The following CCDC85C variants were observed in gnomAD, a reference collection of about 807,000 sequenced individuals.
CCDC85C encodes coiled-coil domain containing 85C, also known as coiled-coil domain-containing protein 85C.
A neutral mutation model predicts 38.3 loss-of-function variants in CCDC85C; 18 were observed. That is an observed-to-expected ratio of 0.47 (90% CI 0.33 to 0.70). The LOEUF is 0.70. Among genes scored for constraint, CCDC85C ranks in the 30% least tolerant of loss-of-function variants. The pLI, the probability that CCDC85C is intolerant of heterozygous loss-of-function variation, is 0.03. For missense variants in CCDC85C, 566 were observed against 621.2 expected, an observed-to-expected ratio of 0.91 and a Z score of 0.94; for synonymous variants, 264 against 293.8, an observed-to-expected ratio of 0.90 and a Z score of 1.04.
Position 99,517,148 on chromosome 14 carries a change from G to A in CCDC85C, c.1011C>T (p.Pro337=). Residue 337 remains proline, a synonymous_variant, in exon 4 of 6, where the codon CCC becomes CCT. Transcript: ENST00000380243. ...CTGCAGGGCTGTAGCCAGCAGAGGG[G>A]GGCGAGGGCAGCTCAGGTGCGGGGC... is the stretch of plus-strand genomic sequence containing the variant. The part of the protein sequence containing the change: ...PACPAPELPS[P]PSAGYSPAGQ... 6.5e-7 allele frequency: 1 copy of A among 1,549,986 alleles called. No homozygotes were observed. Among genetic ancestry groups the A allele is most frequent in the Admixed American group, 2.0e-5 (1 of 50,930 alleles).
At chr14:99,578,326 T>C (rs2054924759) in intron 1 of CCDC85C, among the ~76,000 whole-genome samples, 1 of 151,030 alleles carries the variant, frequency 6.6e-6, no homozygotes, top group South Asian at 2.1e-4. Context: ...TGTGTGTGTG[T>C]GTGTGTGTGT....
intron 1 of CCDC85C, among the ~76,000 whole-genome samples, chr14:99,589,572 T>C (rs994445556): frequency 2.0e-5 from 3 of 152,228 alleles, no homozygotes; most frequent in African/African-American, 7.2e-5. Context: ...CTTTGGGCTC[T>C]GATTAGAGCT....
chr14:99,596,233 G>C (rs1284249357), intron 1 of CCDC85C, among the ~76,000 whole-genome samples: 1 of 152,208 alleles, frequency 6.6e-6, no homozygotes, highest in Non-Finnish European at 1.5e-5. Context: ...GGCAGAGAGG[G>C]GAAGACCTGC....
intron 1 of CCDC85C, among the ~76,000 whole-genome samples, chr14:99,563,003 C>T (rs1898147658): frequency 6.6e-6 from 1 of 152,184 alleles, no homozygotes. Context: ...ATTAAAACAG[C>T]AGCCACTTAC....
Position 99,604,094 on chromosome 14 carries a change from C to A in CCDC85C, c.-135G>T. ...GTGCGGCCCGCCCCGCGCCGCCTGG[C>A]GCGTCCTCTCGCCGCGCCCGCCGGG... On this transcript the variant is annotated 5_prime_UTR_variant, in exon 1 of 6. Transcript: ENST00000380243. 2.3e-6 allele frequency: 2 copies of A among 886,538 alleles called. No individual in the cohort carries two copies. The highest frequency in any genetic ancestry group is 2.7e-6 in the Non-Finnish European group (2 of 744,030). The allele number at this position is 886,538 out of a possible 1,614,324, so 54.9% of individuals were successfully genotyped here.
At chr14:99,600,948 C>T (rs2055192064) in intron 1 of CCDC85C, among the ~76,000 whole-genome samples, 1 of 152,126 alleles carries the variant, frequency 6.6e-6, no homozygotes, top group Non-Finnish European at 1.5e-5. Flanking sequence ...TCACTTAAGC[C>T]TGGGAGGTTG....
At position 99,520,498 on chromosome 14, in the gene CCDC85C, A is replaced by G. The variant is rs12436557; in HGVS notation, c.975+1635T>C. Among the ~76,000 whole-genome samples the G allele has an allele frequency of 0.025, 130 of 5,138 alleles. 2 individuals are homozygous for G. The highest frequency in any genetic ancestry group is 0.083 in the Middle Eastern group (1 of 12). The allele number at this position is 5,138 out of a possible 152,430, so 3.4% of individuals were successfully genotyped here. ...GGGGGCCTGCCCGCCGACCAGCCCC[A>G]ATCACGGCCCCTGCACCTCAGTTCA... On this transcript the variant is annotated intron_variant, in intron 3 of 5. Coordinates refer to ENST00000380243, the MANE Select transcript of CCDC85C (RefSeq NM_001144995.2). The surrounding 1 kb of genome is among the most constrained non-coding windows in gnomAD (Gnocchi z 4.1).
rs777490086 is a variant in CCDC85C, at chr14:99,503,066, G to A, written c.*12180C>T. 56 of 1,453,934 alleles carry A rather than the reference G, an allele frequency of 3.9e-5. No homozygotes were observed. Among genetic ancestry groups the A allele is most frequent in the African/African-American group, 1.7e-4 (12 of 71,796 alleles). 90.1% of individuals were successfully genotyped at this position (1,453,934 alleles called of 1,614,324 possible). On this transcript the variant is annotated 3_prime_UTR_variant, in exon 6 of 6. Coordinates refer to ENST00000380243, the MANE Select transcript of CCDC85C (RefSeq NM_001144995.2). ...CTGAGCACTGTTCCCATTTCTAAGC[G>A]AGCACAGGGAACACCGGAAGCAGGG...
chr14:99,591,724 GGTTTC>G (rs2055089501), intron 1 of CCDC85C, among the ~76,000 whole-genome samples: 2 of 149,444 alleles, frequency 1.3e-5, no homozygotes, highest in African/African-American at 4.9e-5. Context: ...CAGGTTTCTT[GGTTTC>G]TTTTCTTTTT....
In CCDC85C at chr14:99,593,448, G is replaced by C. The variant is rs1256885274; in HGVS notation, c.793+9719C>G. Among the ~76,000 whole-genome samples the C allele has an allele frequency of 2.6e-5, 4 of 152,246 alleles. No homozygotes were observed. The East Asian group carries it at 7.7e-4, about 29-fold the overall frequency. ...CACCTGTCCAGCCCTGCGAAAGTGG[G>C]GTGGCGGAGGCAGCCACCTCCATGG... On this transcript the variant is annotated intron_variant, in intron 1 of 5. Transcript: ENST00000380243.
rs964002405 is a variant in CCDC85C at position 99,516,404 on chromosome 14, G to A, written c.1072-118C>T. On this transcript the variant is annotated intron_variant, in intron 4 of 5. Transcript: ENST00000380243. The surrounding 1 kb of genome is among the most constrained non-coding windows in gnomAD (Gnocchi z 5.5). ...GAACCAAAGCTGAGGACCCTGAGCC[G>A]CTGGGCCCCTGGGGACAAGCGTGGA... 37 of 715,978 alleles carry A rather than the reference G, an allele frequency of 5.2e-5. No individual in the cohort carries two copies. The highest frequency in any genetic ancestry group is 3.6e-4 in the Middle Eastern group (1 of 2,764). 44.4% of individuals were successfully genotyped at this position (715,978 alleles called of 1,614,324 possible). A position where few individuals can be genotyped will look rare whatever the true frequency, so the allele number is the denominator to read the frequency against.
chr14:99,519,279 CT>C (rs60431041), intron 3 of CCDC85C, among the ~76,000 whole-genome samples: 2,717 of 122,838 alleles, frequency 0.022, 27 homozygotes, highest in South Asian at 0.034. Flanking sequence ...CCATGCCCAG[CT>C]TTTTTTTTTT....
chr14:99,591,478 C>T (rs1384498639), intron 1 of CCDC85C, among the ~76,000 whole-genome samples: 1 of 152,240 alleles, frequency 6.6e-6, no homozygotes, highest in African/African-American at 2.4e-5. Context: ...GCGAGGGCTG[C>T]AGGTCCCACA....
At chr14:99,573,781 A>C (rs1276180157) in intron 1 of CCDC85C, among the ~76,000 whole-genome samples, 1 of 152,124 alleles carries the variant, frequency 6.6e-6, no homozygotes, top group African/African-American at 2.4e-5. Context: ...GCCCTCCAGG[A>C]GATGCACCCC....
Position 99,501,281 on chromosome 14 carries a change from G to A in CCDC85C, c.*13965C>T, listed in dbSNP as rs1896819148. On this transcript the variant is annotated 3_prime_UTR_variant, in exon 6 of 6. Coordinates refer to ENST00000380243, the MANE Select transcript of CCDC85C (RefSeq NM_001144995.2). ...TTGAGTGGTGCTGAACACGTGGTAGGTTTTTAATAAATACTTGATGCTGCC... is the reference window on the plus strand; with the variant it reads ...TTGAGTGGTGCTGAACACGTGGTAGATTTTTAATAAATACTTGATGCTGCC... 1 of 983,766 alleles carries A rather than the reference G, an allele frequency of 1.0e-6. No homozygotes were observed. The highest frequency in any genetic ancestry group is 1.6e-6 in the Non-Finnish European group (1 of 611,200). 60.9% of individuals were successfully genotyped at this position (983,766 alleles called of 1,614,324 possible).
At position 99,516,435 on chromosome 14, in the gene CCDC85C, CTG is replaced by C. The variant is rs1440438442; in HGVS notation, c.1072-151_1072-150del. The C allele has an allele frequency of 8.0e-6, 5 of 624,808 alleles. No homozygotes were observed. Among genetic ancestry groups the C allele is most frequent in the South Asian group, 7.7e-5 (4 of 52,178 alleles). The allele number at this position is 624,808 out of a possible 1,614,324, so 38.7% of individuals were successfully genotyped here. ...CCCCTGGGGACAAGCGTGGAAAAAACTGAGGGGCAGGTTGTCATCTCACCCTG... is the reference window on the plus strand; with the variant it reads ...CCCCTGGGGACAAGCGTGGAAAAAACAGGGGCAGGTTGTCATCTCACCCTG... On this transcript the variant is annotated intron_variant, in intron 4 of 5. Coordinates refer to ENST00000380243, the MANE Select transcript of CCDC85C (RefSeq NM_001144995.2). The surrounding 1 kb of genome is among the most constrained non-coding windows in gnomAD (Gnocchi z 5.5).
intron 3 of CCDC85C, among the ~76,000 whole-genome samples, chr14:99,521,063 G>A (rs866882283): frequency 2.0e-5 from 3 of 152,174 alleles, no homozygotes; most frequent in Admixed American, 1.3e-4. Flanking sequence ...CAGGCCACGC[G>A]GAAGACTTCA....
chr14:99,552,119 G>C (rs1236750727), intron 1 of CCDC85C, among the ~76,000 whole-genome samples: 1 of 152,182 alleles, frequency 6.6e-6, no homozygotes, highest in African/African-American at 2.4e-5. Flanking sequence ...GCTCAGGAAG[G>C]AGTGGAGGAG....
intron 1 of CCDC85C, among the ~76,000 whole-genome samples, chr14:99,589,561 A>G (rs895317700): frequency 3.3e-5 from 5 of 152,200 alleles, no homozygotes; most frequent in African/African-American, 9.7e-5. Flanking sequence ...GTCATGGACC[A>G]CTTTGGGCTC....
Sources: gnomAD v4.1 joint callset for allele counts (sites outside exome capture counted in the v4.1 genomes callset) on GRCh38, gnomAD v4.1.1 for gene constraint, Gnocchi (gnomAD v3.1) non-coding constraint, MANE v1.5 for transcripts, NCBI Gene and HGNC (gene_info 2026-07-23, HGNC 2026-07-21) for gene names.